The following ADAMTS20 variants were observed in gnomAD, a reference collection of about 807,000 sequenced individuals.
ADAMTS20 encodes the protein ADAM metallopeptidase with thrombospondin type 1 motif 20.
ADAMTS20 carries 225 observed loss-of-function variants against 260.1 expected under a neutral mutation model. The observed-to-expected ratio is 0.87, with a 90% CI of 0.78 to 0.97. ADAMTS20 has a LOEUF of 0.97. ADAMTS20 is among the 50% of genes least tolerant of loss of function. The pLI is 0.00. For missense variants in ADAMTS20, 2,400 were observed against 2,337.7 expected, an observed-to-expected ratio of 1.03 and a Z score of -0.55; for synonymous variants, 802 against 769.5, an observed-to-expected ratio of 1.04 and a Z score of -0.70.
At chr12:43,433,733 C>G (rs1565696371) in intron 19 of ADAMTS20, 1 of 414,600 alleles carries the variant, frequency 2.4e-6, no homozygotes, top group Admixed American at 2.6e-5. Flanking sequence ...CACACACACA[C>G]ACACACACAA....
intron 4 of ADAMTS20, among the ~76,000 whole-genome samples, chr12:43,500,313 G>A (rs563822984): frequency 1.3e-5 from 2 of 152,312 alleles, no homozygotes; most frequent in South Asian, 2.1e-4. Context: ...ACAGGCGTGA[G>A]CCACTACGCC....
intron 7 of ADAMTS20, among the ~76,000 whole-genome samples, chr12:43,471,154 C>T (rs984851690): frequency 6.6e-5 from 10 of 152,206 alleles, no homozygotes; most frequent in South Asian, 2.1e-4. Flanking sequence ...CGAAGCAGGG[C>T]GAGGCATTGC....
At chr12:43,436,094 G>T (rs1047830588) in intron 18 of ADAMTS20, among the ~76,000 whole-genome samples, 1 of 151,248 alleles carries the variant, frequency 6.6e-6, no homozygotes, top group African/African-American at 2.4e-5. Context: ...AAAAGGAAAA[G>T]AAAAAAAACA....
intron 3 of ADAMTS20, among the ~76,000 whole-genome samples, chr12:43,529,810 T>C (rs553490332): frequency 2.6e-5 from 4 of 152,258 alleles, no homozygotes; most frequent in African/African-American, 9.6e-5. Context: ...ATTAAAACTT[T>C]TAAGAAGAAT....
intron 28 of ADAMTS20, among the ~76,000 whole-genome samples, chr12:43,413,559 G>A (rs1208898872): frequency 2.0e-5 from 3 of 152,060 alleles, no homozygotes; most frequent in African/African-American, 7.2e-5. Flanking sequence ...CTATTAATAA[G>A]TATCACCTTA....
rs764835391 is a variant in ADAMTS20 at position 43,452,673 on chromosome 12, A to T, written c.1783T>A (p.Cys595Ser). The change falls in exon 13 of 39, where the codon TGT becomes AGT. Residue 595 changes from cysteine (C) to serine (S), a missense_variant. Transcript: ENST00000389420. ...CGAAATTTCATCCTGCGGCCCACAC[A>T]GTAATTTCCTCCGTTTCTTGGCCTA... ...RPEPRNGGNYCVGRRMKFRSC... is the reference protein window; with the variant it reads ...RPEPRNGGNYSVGRRMKFRSC... 1 of 1,608,406 alleles carries T rather than the reference A, an allele frequency of 6.2e-7. No homozygotes were observed. The highest frequency in any genetic ancestry group is 8.5e-7 in the Non-Finnish European group (1 of 1,176,502).
intron 38 of ADAMTS20, 63 bp downstream of exon 38, chr12:43,356,421 C>T (rs1003450851): frequency 4.4e-5 from 48 of 1,088,626 alleles, no homozygotes; most frequent in East Asian, 4.1e-4. Context: ...GGTAGAGAAC[C>T]TTTAATGCTA....
intron 3 of ADAMTS20, among the ~76,000 whole-genome samples, chr12:43,511,143 C>T (rs1232510052): frequency 6.6e-6 from 1 of 152,080 alleles, no homozygotes; most frequent in East Asian, 1.9e-4. Context: ...TGCCTCCAAA[C>T]TCATTCAGGT....
chr12:43,354,558 A>T (rs1939704424), intron 38 of ADAMTS20, among the ~76,000 whole-genome samples: 1 of 152,214 alleles, frequency 6.6e-6, no homozygotes, highest in Non-Finnish European at 1.5e-5. Context: ...ATCTCAATTA[A>T]GATTTAAATC....
intron 29 of ADAMTS20, among the ~76,000 whole-genome samples, chr12:43,384,460 A>AT (rs924084414): frequency 3.9e-5 from 6 of 151,998 alleles, no homozygotes; most frequent in Admixed American, 6.6e-5. Context: ...ATACTTGCTA[A>AT]TTTTTTTTAA....
chr12:43,367,425 A>C (rs1940012051), intron 37 of ADAMTS20, among the ~76,000 whole-genome samples: 1 of 152,040 alleles, frequency 6.6e-6, no homozygotes, highest in African/African-American at 2.4e-5. Flanking sequence ...CACTCTATCA[A>C]TCCAGTAATG....
chr12:43,383,771 A>G (rs778151464), intron 30 of ADAMTS20, 33 bp downstream of exon 30: 2 of 1,613,420 alleles, frequency 1.2e-6, no homozygotes, highest in Admixed American at 1.7e-5. Flanking sequence ...TCTTATATGC[A>G]GTGTCTTTGA....
intron 29 of ADAMTS20, among the ~76,000 whole-genome samples, chr12:43,389,130 A>G (rs1940545039): frequency 6.6e-6 from 1 of 152,198 alleles, no homozygotes; most frequent in South Asian, 2.1e-4. Context: ...CATCTCAATA[A>G]TACCAAAGTC....
intron 3 of ADAMTS20, among the ~76,000 whole-genome samples, chr12:43,528,883 A>C (rs1413206118): frequency 2.0e-5 from 3 of 152,210 alleles, no homozygotes; most frequent in Admixed American, 1.3e-4. Context: ...GAATTGGAGA[A>C]TATATTTGCA....
In ADAMTS20 at chr12:43,439,932, T is replaced by C; in HGVS notation, c.2428A>G (p.Ser810Gly). 2.5e-6 allele frequency: 4 copies of C among 1,606,922 alleles called. No homozygotes were observed. The highest frequency in any genetic ancestry group is 3.4e-6 in the Non-Finnish European group (4 of 1,175,874). The change falls in exon 17 of 39, where the codon AGT (serine) becomes GGT (glycine). Residue 810 changes from serine to glycine, a missense_variant. By Grantham distance (56) the Ser-to-Gly change is moderately conservative (BLOSUM62 0). Coordinates refer to ENST00000389420, the MANE Select transcript of ADAMTS20 (RefSeq NM_025003.5). ...GSNNAVERIN[S>G]TNRQEKELIL... The stretch of plus-strand genomic sequence containing the variant: ...AGTTCTTTCTCTTGTCGATTAGTAC[T>C]ATTAATTCTTTCAACTGCGTTATTT...
chr12:43,548,521 TC>T (rs1273754876), intron 2 of ADAMTS20, among the ~76,000 whole-genome samples: 1 of 141,908 alleles, frequency 7.0e-6, no homozygotes, highest in African/African-American at 2.4e-5. Flanking sequence ...GATTCTAAAA[TC>T]TACCAGGTTC....
At chr12:43,492,710 T>C in intron 5 of ADAMTS20, 81 bp from the exon 6 acceptor site, 2 of 1,492,050 alleles carry the variant, frequency 1.3e-6, no homozygotes, top group South Asian at 1.2e-5. Flanking sequence ...ATCTGCACAA[T>C]TTATCAAATA....
intron 28 of ADAMTS20, among the ~76,000 whole-genome samples, chr12:43,402,750 C>A (rs898408962): frequency 6.6e-6 from 1 of 152,056 alleles, no homozygotes; most frequent in African/African-American, 2.4e-5. Flanking sequence ...AACTCTGACA[C>A]CATCATAGTC....
At chr12:43,422,458 G>A (rs1941254421) in intron 28 of ADAMTS20, among the ~76,000 whole-genome samples, 1 of 151,860 alleles carries the variant, frequency 6.6e-6, no homozygotes, top group Admixed American at 6.6e-5. Context: ...GTTATATTTG[G>A]TATTGACAAC....
Sources: gnomAD v4.1 joint callset for allele counts (sites outside exome capture counted in the v4.1 genomes callset) on GRCh38, gnomAD v4.1.1 for gene constraint, MANE v1.5 for transcripts, NCBI Gene and HGNC (gene_info 2026-07-23, HGNC 2026-07-21) for gene names.